The following GRIP1 variants were observed in gnomAD, a reference collection of about 807,000 sequenced individuals.
GRIP1 encodes the protein glutamate receptor interacting protein 1.
Under a neutral mutation model 129.9 loss-of-function variants are expected in GRIP1, and 45 were observed. The ratio of observed to expected loss-of-function variants is 0.35; its 90% CI spans 0.27 to 0.44. The LOEUF (loss-of-function observed/expected upper bound fraction) is 0.44, where lower values mean the gene tolerates loss of function less well. GRIP1 is among the 20% of genes least tolerant of loss of function. GRIP1 has a pLI of 1.00. For synonymous variants in GRIP1, 530 were observed against 520.8 expected (o/e 1.02, Z -0.24); for missense variants, 1,196 against 1,396.8 (o/e 0.86, Z 2.29).
At chr12:66,359,785 C>G (rs2054660474) in intron 23 of GRIP1, among the ~76,000 whole-genome samples, 1 of 152,082 alleles carries the variant, frequency 6.6e-6, no homozygotes, top group African/African-American at 2.4e-5. Context: ...AGATAAGAGT[C>G]TAGAAATCAA....
At chr12:66,983,264 T>C (rs761306055) in intron 1 of GRIP1, among the ~76,000 whole-genome samples, 2 of 152,224 alleles carry the variant, frequency 1.3e-5, no homozygotes, top group Non-Finnish European at 2.9e-5. Context: ...TTTCCAGCTT[T>C]GGCTGGAGCA....
chr12:66,756,660 A>G (rs1476650720), intron 1 of GRIP1, among the ~76,000 whole-genome samples: 1 of 152,190 alleles, frequency 6.6e-6, no homozygotes. Flanking sequence ...GCAGTTAACT[A>G]GCATTAAGCT....
chr12:66,507,049 T>C (rs1445509065), intron 7 of GRIP1, among the ~76,000 whole-genome samples: 1 of 152,126 alleles, frequency 6.6e-6, no homozygotes, highest in Non-Finnish European at 1.5e-5. Context: ...GAAAGTTAAG[T>C]CGGTAACCCA....
At chr12:66,610,620 T>C (rs1001608204) in intron 1 of GRIP1, among the ~76,000 whole-genome samples, 1 of 152,138 alleles carries the variant, frequency 6.6e-6, no homozygotes, top group Non-Finnish European at 1.5e-5. Flanking sequence ...TCATGGACTT[T>C]GGATTTCTAC....
chr12:66,471,139 C>A (rs757854350), intron 7 of GRIP1, among the ~76,000 whole-genome samples: 11 of 152,152 alleles, frequency 7.2e-5, no homozygotes, highest in Non-Finnish European at 1.5e-4. Context: ...GCAAGTGGCT[C>A]TGGAGGTAAA....
intron 7 of GRIP1, among the ~76,000 whole-genome samples, chr12:66,475,689 C>T (rs911084920): frequency 1.3e-5 from 2 of 152,196 alleles, no homozygotes; most frequent in African/African-American, 4.8e-5. Context: ...CAAAACCACT[C>T]AACTACATGG....
At chr12:66,631,980 G>C (rs1418268761) in intron 1 of GRIP1, among the ~76,000 whole-genome samples, 1 of 152,146 alleles carries the variant, frequency 6.6e-6, no homozygotes, top group Non-Finnish European at 1.5e-5. Flanking sequence ...GTGAAGGGGA[G>C]GTGAGAATAC....
chr12:67,008,531 T>C (rs2042660077), intron 1 of GRIP1, among the ~76,000 whole-genome samples: 1 of 152,182 alleles, frequency 6.6e-6, no homozygotes, highest in Non-Finnish European at 1.5e-5. Flanking sequence ...AAATAGCAGT[T>C]GGGCACAGTG....
chr12:66,444,697 AT>A lies in GRIP1; in HGVS notation c.1573del (p.Met525TrpfsTer50). 1 of 1,614,076 alleles carries A rather than the reference AT, an allele frequency of 6.2e-7. No homozygotes were observed. Among genetic ancestry groups the A allele is most frequent in the African/African-American group, 1.3e-5 (1 of 75,032 alleles). ...CGVLQIGDRV[M>X]AINGIPTEDS... ...TTCTGTTGGAATTCCATTGATGGCC[AT>A]CACTCTGTCTCCAATCTGTAGCACC... On this transcript the variant is annotated frameshift_variant, in exon 13 of 25. Coordinates refer to ENST00000359742, the MANE Select transcript of GRIP1 (RefSeq NM_001366722.1). LOFTEE classifies it high-confidence loss of function.
At chr12:67,039,934 T>C (rs368794519) in intron 1 of GRIP1, among the ~76,000 whole-genome samples, 2 of 152,190 alleles carry the variant, frequency 1.3e-5, no homozygotes, top group East Asian at 3.8e-4. Flanking sequence ...TAGGTTTGTG[T>C]TTGCTTTTAT....
intron 19 of GRIP1, among the ~76,000 whole-genome samples, chr12:66,390,732 C>T (rs1184390077): frequency 6.6e-6 from 1 of 152,144 alleles, no homozygotes; most frequent in African/African-American, 2.4e-5. Flanking sequence ...AAATAAATAA[C>T]CAATACACAA....
intron 23 of GRIP1, among the ~76,000 whole-genome samples, chr12:66,360,025 C>T (rs952982835): frequency 1.3e-5 from 2 of 152,150 alleles, no homozygotes; most frequent in African/African-American, 2.4e-5. Context: ...TCTTACAACA[C>T]CTCTGGGCAG....
intron 1 of GRIP1, among the ~76,000 whole-genome samples, chr12:66,700,897 C>T (rs2035328483): frequency 1.3e-5 from 2 of 152,114 alleles, no homozygotes; most frequent in African/African-American, 4.8e-5. Context: ...TCTGAATCCC[C>T]CACGGGCTGC....
chr12:66,963,951 C>T (rs2041959440), intron 1 of GRIP1, among the ~76,000 whole-genome samples: 1 of 152,148 alleles, frequency 6.6e-6, no homozygotes, highest in Admixed American at 6.5e-5. Flanking sequence ...GTGCCTACAC[C>T]AGGAACCTGG....
chr12:66,427,408 C>A (rs1013319906), intron 14 of GRIP1, among the ~76,000 whole-genome samples: 5 of 151,992 alleles, frequency 3.3e-5, no homozygotes, highest in Admixed American at 2.0e-4. Flanking sequence ...CACCACCCCC[C>A]AAACATAGAA....
At chr12:66,622,705 A>C (rs540519511) in intron 1 of GRIP1, among the ~76,000 whole-genome samples, 29 of 152,096 alleles carry the variant, frequency 1.9e-4, no homozygotes, top group African/African-American at 7.0e-4. Context: ...TTTTAGTTTC[A>C]TTTCCCCCTT....
intron 1 of GRIP1, among the ~76,000 whole-genome samples, chr12:66,853,234 G>A (rs1249914489): frequency 6.6e-6 from 1 of 151,754 alleles, no homozygotes; most frequent in Non-Finnish European, 1.5e-5. Context: ...TGAACTTTCA[G>A]GATGCTCCAA....
At chr12:66,980,972 C>T (rs2042235002) in intron 1 of GRIP1, among the ~76,000 whole-genome samples, 1 of 152,210 alleles carries the variant, frequency 6.6e-6, no homozygotes, top group Non-Finnish European at 1.5e-5. Context: ...TTTAACATAG[C>T]TGAATCCCTT....
At chr12:66,752,116 C>G (rs1467717630) in intron 1 of GRIP1, among the ~76,000 whole-genome samples, 1 of 151,942 alleles carries the variant, frequency 6.6e-6, no homozygotes, top group Non-Finnish European at 1.5e-5. Flanking sequence ...AAAGATTTGT[C>G]CATATTATGA....
Sources: allele counts gnomAD v4.1 joint callset (sites outside exome capture counted in the v4.1 genomes callset), GRCh38; gene constraint gnomAD v4.1.1; transcripts MANE v1.5; gene names NCBI Gene and HGNC (gene_info 2026-07-23, HGNC 2026-07-21).